The following MTHFD1 variants were observed in gnomAD, a reference collection of about 807,000 sequenced individuals.
MTHFD1 encodes the protein methylenetetrahydrofolate dehydrogenase, cyclohydrolase and formyltetrahydrofolate synthetase 1.
MTHFD1 carries 44 observed loss-of-function variants against 110.3 expected under a neutral mutation model. That is an observed-to-expected ratio of 0.40 (90% CI 0.31 to 0.51). MTHFD1 has a LOEUF of 0.51. Ranked by LOEUF, MTHFD1 falls within the 20% of genes least tolerant of loss-of-function variation. MTHFD1 has a pLI of 0.60. For missense variants in MTHFD1, 909 were observed against 1,173.1 expected (o/e 0.77, Z 3.29); for synonymous variants, 402 against 428.8 (o/e 0.94, Z 0.77).
In MTHFD1 at chr14:64,407,548, T is replaced by C. The variant is rs1431606782; in HGVS notation, c.127-3542T>C. Among the ~76,000 whole-genome samples the C allele has an allele frequency of 4.7e-5, 7 of 148,512 alleles. No homozygotes were observed. In the East Asian group the frequency reaches 1.2e-3, roughly 25 times the overall value. ...CATTAGTATCTCTCACTCTCTCTCT[T>C]TTTTTTTTTTTTTTGAGTCAGAATC... On this transcript the variant is annotated intron_variant, in intron 2 of 27. Transcript: ENST00000652337.
At chr14:64,400,722 T>A in intron 1 of MTHFD1, 71 bp from the exon 2 acceptor site, 1 of 954,140 alleles carries the variant, frequency 1.0e-6, no homozygotes, top group South Asian at 1.3e-5. Flanking sequence ...GAGAAATACA[T>A]CTAATAATCT....
rs757765052 is a variant in MTHFD1, at chr14:64,453,812, T to C, written c.2516T>C (p.Ile839Thr). ...IAQKIYGADD[I>T]ELLPEAQHKA... ...CAGAAGATCTATGGAGCAGATGACA[T>C]TGAATTACTTCCCGAAGCTCAACAC... Residue 839 changes from isoleucine to threonine, a missense_variant, in exon 25 of 28, where the codon ATT becomes ACT. Physicochemically the swap from Ile to Thr is moderately conservative, Grantham distance 89. Coordinates refer to ENST00000652337, the MANE Select transcript of MTHFD1 (RefSeq NM_005956.4). 1.2e-5 allele frequency: 20 copies of C among 1,613,170 alleles called. No homozygotes were observed. The highest frequency in any genetic ancestry group is 5.3e-5 in the African/African-American group (4 of 74,860).
At position 64,447,455 on chromosome 14, in the gene MTHFD1, T is replaced by C. The variant is rs969552884; in HGVS notation, c.2179-762T>C. On this transcript the variant is annotated intron_variant, in intron 22 of 27. Transcript: ENST00000652337. ...AGGCATAAGCCACCAGGTCCGGCCC[T>C]TTTTTTTTTTTTTTTTTTAATTAAC... Among the ~76,000 whole-genome samples the C allele has an allele frequency of 2.9e-4, 26 of 89,196 alleles. No individual in the cohort carries two copies. In the East Asian group the frequency reaches 5.5e-3, roughly 19 times the overall value. The allele number at this position is 89,196 out of a possible 152,430, so 58.5% of individuals were successfully genotyped here.
intron 9 of MTHFD1, among the ~76,000 whole-genome samples, chr14:64,425,438 C>T (rs375145579): frequency 3.9e-5 from 6 of 152,098 alleles, no homozygotes; most frequent in South Asian, 2.1e-4. Context: ...CTGGAACTCC[C>T]GACCTCAGGT....
At chr14:64,441,106 G>A (rs1477592267) in intron 18 of MTHFD1, 2 of 396,184 alleles carry the variant, frequency 5.0e-6, no homozygotes, top group African/African-American at 4.2e-5. Context: ...GCAGGAGAAT[G>A]GCGTGAACCT....
At position 64,441,463 on chromosome 14, in the gene MTHFD1, G is replaced by A. The variant is rs759881748; in HGVS notation, c.1884+10G>A. 1 of 1,613,664 alleles carries A rather than the reference G, an allele frequency of 6.2e-7. No individual in the cohort carries two copies. Among genetic ancestry groups the A allele is most frequent in the Admixed American group, 1.7e-5 (1 of 60,004 alleles). On this transcript the variant is annotated intron_variant, in intron 19 of 27. Coordinates refer to ENST00000652337, the MANE Select transcript of MTHFD1 (RefSeq NM_005956.4). ...CATGCAGACACTGGAGGTGAGCAGA[G>A]TGACTCCTGCCTTCTTGAATTGGTT...
intron 2 of MTHFD1, among the ~76,000 whole-genome samples, chr14:64,407,547 T>TC (rs1344761103): frequency 7.2e-5 from 1 of 13,852 alleles, no homozygotes; most frequent in East Asian, 5.8e-4. Flanking sequence ...ACTCTCTCTC[T>TC]TTTTTTTTTT....
intron 24 of MTHFD1, among the ~76,000 whole-genome samples, chr14:64,453,006 G>A (rs1414998832): frequency 1.3e-5 from 2 of 151,966 alleles, no homozygotes; most frequent in African/African-American, 4.8e-5. Flanking sequence ...TTACAGGGAT[G>A]AGCCACCATA....
chr14:64,408,976 T>C (rs1245326539), intron 2 of MTHFD1, among the ~76,000 whole-genome samples: 1 of 152,082 alleles, frequency 6.6e-6, no homozygotes, highest in Non-Finnish European at 1.5e-5. Context: ...AAATAAAACC[T>C]ATACTAAGAG....
chr14:64,435,719 C>A, intron 16 of MTHFD1, 48 bp downstream of exon 16: 2 of 1,052,836 alleles, frequency 1.9e-6, no homozygotes, highest in Non-Finnish European at 3.0e-6. Flanking sequence ...ATATTGCACA[C>A]CCTACACCCT....
chr14:64,444,848 G>A (rs2078278254), intron 22 of MTHFD1, 114 bp downstream of exon 22: 2 of 1,196,620 alleles, frequency 1.7e-6, no homozygotes, highest in South Asian at 2.4e-5. Context: ...CCAGGGTGCA[G>A]GGTGCCAAAA....
intron 1 of MTHFD1, among the ~76,000 whole-genome samples, chr14:64,398,045 C>G (rs908740388): frequency 2.6e-5 from 4 of 152,026 alleles, no homozygotes; most frequent in Admixed American, 1.3e-4. Context: ...AGCACCACAT[C>G]TGGTTGTCAT....
chr14:64,412,243 G>C (rs947949207), intron 3 of MTHFD1, among the ~76,000 whole-genome samples: 19 of 152,140 alleles, frequency 1.2e-4, no homozygotes, highest in Non-Finnish European at 2.6e-4. Context: ...GGGGTCCCAA[G>C]ATTTAATTTC....
At chr14:64,409,783 C>T (rs1423069188) in intron 2 of MTHFD1, among the ~76,000 whole-genome samples, 1 of 152,146 alleles carries the variant, frequency 6.6e-6, no homozygotes, top group East Asian at 1.9e-4. Context: ...TGAGAACTGT[C>T]TGTATAAGGG....
chr14:64,406,597 A>G (rs761288570), intron 2 of MTHFD1, among the ~76,000 whole-genome samples: 5 of 147,428 alleles, frequency 3.4e-5, no homozygotes, highest in South Asian at 4.2e-4. Flanking sequence ...GGCTCAAGCT[A>G]TCCTCCCATC....
rs375837754 is a variant in MTHFD1, at chr14:64,427,409, T to A, written c.1200T>A (p.His400Gln). Residue 400 changes from histidine (H) to glutamine (Q), a missense_variant, in exon 12 of 28, where the codon CAT becomes CAA. By Grantham distance (24) the His-to-Gln change is conservative. This residue lies in a region of MTHFD1 where 424 missense variants were observed against 510.4 expected (regional missense o/e 0.83). Transcript: ENST00000652337. ...TIGLVQALGA[H>Q]LYQNVFACVR... ...GGCTAGTGCAAGCCCTTGGTGCCCA[T>A]CTCTACCAGAATGTCTTTGCGTGTG... is the stretch of plus-strand genomic sequence containing the variant. 9.3e-6 allele frequency: 15 copies of A among 1,614,030 alleles called. No homozygotes were observed. The highest frequency in any genetic ancestry group is 1.2e-5 in the Non-Finnish European group (14 of 1,180,006).
intron 8 of MTHFD1, among the ~76,000 whole-genome samples, chr14:64,422,058 T>C (rs2078078969): frequency 6.6e-6 from 1 of 152,028 alleles, no homozygotes; most frequent in Non-Finnish European, 1.5e-5. Context: ...AGGTAGGAAA[T>C]GTTGACTTAA....
chr14:64,431,631 A>C lies in MTHFD1; in HGVS notation c.1411A>C (p.Thr471Pro). The change falls in exon 14 of 28, where the codon ACA becomes CCA. Residue 471 changes from threonine to proline, a missense_variant. Transcript: ENST00000652337. ...TCGGATATTTCATGAACTGACCCAG[A>C]CAGACAAGGTAGGATGCCAAAGCCC... ...DARIFHELTQ[T>P]DKALFNRLVP... is the part of the protein sequence containing the mutation. 6.2e-7 allele frequency: 1 copy of C among 1,614,080 alleles called. No homozygotes were observed. The highest frequency in any genetic ancestry group is 8.5e-7 in the Non-Finnish European group (1 of 1,179,960).
intron 2 of MTHFD1, among the ~76,000 whole-genome samples, chr14:64,409,841 G>A (rs1438734119): frequency 4.6e-5 from 7 of 152,168 alleles, no homozygotes; most frequent in Non-Finnish European, 7.3e-5. Flanking sequence ...TGAGGAGAGC[G>A]TCCAGTAATA....
Sources: allele counts gnomAD v4.1 joint callset (sites outside exome capture counted in the v4.1 genomes callset), GRCh38; gene constraint gnomAD v4.1.1; regional missense constraint gnomAD v4.1.1; transcripts MANE v1.5; gene names NCBI Gene and HGNC (gene_info 2026-07-23, HGNC 2026-07-21).